The following GPHN variants were observed in gnomAD, a reference collection of about 807,000 sequenced individuals.
GPHN encodes the protein gephyrin.
GPHN carries 17 observed loss-of-function variants against 95.5 expected under a neutral mutation model. That is an observed-to-expected ratio of 0.18 (90% CI 0.12 to 0.27). GPHN has a LOEUF of 0.27. GPHN is among the 10% of genes least tolerant of loss of function. The probability of loss-of-function intolerance (pLI) is 1.00; values close to 1 mark genes in which losing one functional copy is unlikely to be tolerated. For missense variants in GPHN, 660 were observed against 978.1 expected (o/e 0.67, Z 4.34); for synonymous variants, 320 against 322.5 (o/e 0.99, Z 0.08).
At chr14:67,424,400 T>A in the GPHN span, among the ~76,000 whole-genome samples, 1 of 151,570 alleles carries the variant, frequency 6.6e-6, no homozygotes, top group Non-Finnish European at 1.5e-5. Flanking sequence ...GGCAGATCAC[T>A]TAAACTCAAG....
intron 1 of GPHN, among the ~76,000 whole-genome samples, chr14:66,582,434 G>C (rs1183354182): frequency 6.6e-6 from 1 of 151,842 alleles, no homozygotes; most frequent in Non-Finnish European, 1.5e-5. Flanking sequence ...TGCACAATGT[G>C]CAGGTTTGTG....
At chr14:66,858,627 C>T (rs1176227901) in intron 4 of GPHN, among the ~76,000 whole-genome samples, 2 of 151,950 alleles carry the variant, frequency 1.3e-5, no homozygotes, top group Non-Finnish European at 2.9e-5. Context: ...ACTCTTTCTG[C>T]TTGAGAAAAG....
chr14:67,565,513 T>G, the GPHN span, among the ~76,000 whole-genome samples: 493 of 152,182 alleles, frequency 3.2e-3, 3 homozygotes, highest in Non-Finnish European at 5.5e-3. Flanking sequence ...AAGAGCCACC[T>G]TACCCGGTCT....
chr14:67,303,685 GT>G, the GPHN span: 1 of 910,904 alleles, frequency 1.1e-6, no homozygotes, highest in Non-Finnish European at 1.8e-6. Flanking sequence ...AAATGTCACT[GT>G]TTCCTGTACT....
chr14:66,932,468 T>TTTG (rs2066875288), intron 8 of GPHN, among the ~76,000 whole-genome samples: 5 of 137,098 alleles, frequency 3.6e-5, no homozygotes, highest in Non-Finnish European at 7.8e-5. Context: ...TTTTTTTTTT[T>TTTG]TTTTTTTTTT....
At chr14:67,158,307 C>CAA (rs368266629) in intron 18 of GPHN, among the ~76,000 whole-genome samples, 978 of 55,650 alleles carry the variant, frequency 0.018, 8 homozygotes, top group Non-Finnish European at 0.021. Flanking sequence ...AACTCCATCT[C>CAA]AAAAAAAAAA....
intron 2 of GPHN, among the ~76,000 whole-genome samples, chr14:66,730,013 C>T (rs2071622922): frequency 1.3e-5 from 2 of 152,200 alleles, no homozygotes; most frequent in African/African-American, 2.4e-5. Flanking sequence ...ATCAGGATAG[C>T]CATATGCTTT....
At chr14:66,664,609 A>G (rs1007151793) in intron 1 of GPHN, among the ~76,000 whole-genome samples, 2 of 152,164 alleles carry the variant, frequency 1.3e-5, no homozygotes, top group African/African-American at 4.8e-5. Flanking sequence ...CAAAGCTAGA[A>G]GAAGACAAGA....
the GPHN span, chr14:67,691,081 A>C: frequency 8.9e-7 from 1 of 1,121,832 alleles, no homozygotes. Context: ...TCTGACCCCT[A>C]AGTTTCCCAA....
chr14:67,602,560 T>C, the GPHN span, among the ~76,000 whole-genome samples: 2 of 152,246 alleles, frequency 1.3e-5, no homozygotes, highest in African/African-American at 4.8e-5. Flanking sequence ...AGATAAGTAC[T>C]GTTAATGTTT....
chr14:66,578,713 A>C (rs1004564383), intron 1 of GPHN, among the ~76,000 whole-genome samples: 11 of 151,244 alleles, frequency 7.3e-5, no homozygotes, highest in Admixed American at 2.0e-4. Flanking sequence ...AAAAAAAAAA[A>C]CACCAGGAAC....
the GPHN span, among the ~76,000 whole-genome samples, chr14:67,624,487 A>G: frequency 2.0e-5 from 3 of 152,314 alleles, no homozygotes; most frequent in Admixed American, 2.0e-4. Flanking sequence ...GAGAATTATA[A>G]TCATGGCGGA....
At chr14:67,555,776 A>C in the GPHN span, 2 of 1,605,796 alleles carry the variant, frequency 1.2e-6, no homozygotes, top group Non-Finnish European at 1.7e-6. Context: ...TGCCGTGTTC[A>C]CAGTAGGGAC....
At chr14:66,755,157 T>C (rs2058512442) in intron 2 of GPHN, among the ~76,000 whole-genome samples, 1 of 152,044 alleles carries the variant, frequency 6.6e-6, no homozygotes. Context: ...TATAAAGGTA[T>C]AGAGAGTATC....
intron 10 of GPHN, among the ~76,000 whole-genome samples, chr14:67,042,495 CCATTA>C (rs544628225): frequency 3.3e-4 from 50 of 152,240 alleles, no homozygotes; most frequent in African/African-American, 1.2e-3. Flanking sequence ...AATATTTTCC[CCATTA>C]CTTGTGTGTG....
the GPHN span, chr14:67,656,367 C>T: frequency 2.0e-6 from 3 of 1,472,978 alleles, no homozygotes; most frequent in South Asian, 1.6e-5. Flanking sequence ...GGTGCAGTGG[C>T]CCCCTAATTA....
the GPHN span, among the ~76,000 whole-genome samples, chr14:67,445,577 CTTTT>C: frequency 2.3e-4 from 14 of 59,936 alleles, no homozygotes; most frequent in South Asian, 6.8e-4. Flanking sequence ...AGAGGCAATT[CTTTT>C]TTTTTTTTTT....
chr14:67,164,516 T>TA (rs2082159352), intron 19 of GPHN, among the ~76,000 whole-genome samples: 1 of 151,922 alleles, frequency 6.6e-6, no homozygotes, highest in African/African-American at 2.4e-5. Context: ...TTTTTTGAGA[T>TA]GGAGTCTTGC....
chr14:67,711,511 T>C, the GPHN span, among the ~76,000 whole-genome samples: 2 of 152,242 alleles, frequency 1.3e-5, no homozygotes, highest in African/African-American at 4.8e-5. Flanking sequence ...TTTGATGATT[T>C]AAGTGCTTTT....
Sources: allele counts gnomAD v4.1 joint callset (sites outside exome capture counted in the v4.1 genomes callset), GRCh38; gene constraint gnomAD v4.1.1; transcripts MANE v1.5; gene names NCBI Gene and HGNC (gene_info 2026-07-23, HGNC 2026-07-21).